Variants in CCDC102B observed in about 807,000 individuals in gnomAD.
CCDC102B encodes coiled-coil domain-containing protein 102B.
Under a neutral mutation model 57.4 loss-of-function variants are expected in CCDC102B, and 75 were observed. That is an observed-to-expected ratio of 1.31 (90% CI 1.08 to 1.58). CCDC102B has a LOEUF of 1.58. Ranked by LOEUF, CCDC102B falls within the 40% of genes most tolerant of loss-of-function variation. The pLI is 0.00. For missense variants in CCDC102B, 636 were observed against 582.6 expected (o/e 1.09, Z -0.94); for synonymous variants, 206 against 201.9 (o/e 1.02, Z -0.17).
intron 2 of CCDC102B, among the ~76,000 whole-genome samples, chr18:68,744,686 C>T (rs1599398488): frequency 6.6e-6 from 1 of 152,154 alleles, no homozygotes; most frequent in Admixed American, 6.5e-5. Flanking sequence ...AGACGCCTCT[C>T]AATGATTCCC....
At chr18:68,810,864 CAGTGTGTG>C (rs368890184) in intron 1 of CCDC102B, among the ~76,000 whole-genome samples, 43 of 151,930 alleles carry the variant, frequency 2.8e-4, no homozygotes, top group African/African-American at 1.0e-3. Context: ...CAACAGGCCC[CAGTGTGTG>C]AGTGTGTGAT....
intron 4 of CCDC102B, among the ~76,000 whole-genome samples, chr18:68,870,232 A>T (rs965862473): frequency 4.6e-5 from 7 of 152,158 alleles, no homozygotes; most frequent in Admixed American, 2.0e-4. Flanking sequence ...GAGCATTAGG[A>T]TGAATGCATG....
chr18:68,760,649 A>G (rs2034223986), intron 2 of CCDC102B, among the ~76,000 whole-genome samples: 1 of 152,090 alleles, frequency 6.6e-6, no homozygotes, highest in Non-Finnish European at 1.5e-5. Context: ...TCACTATAAA[A>G]GCAAATGCGT....
intron 7 of CCDC102B, among the ~76,000 whole-genome samples, chr18:69,033,299 C>T (rs1191369989): frequency 6.6e-6 from 1 of 151,988 alleles, no homozygotes; most frequent in Admixed American, 6.6e-5. Flanking sequence ...ATTAATACAC[C>T]ATACATTTTG....
intron 7 of CCDC102B, among the ~76,000 whole-genome samples, chr18:69,049,115 C>T (rs1390307858): frequency 1.3e-5 from 2 of 151,452 alleles, no homozygotes; most frequent in African/African-American, 4.9e-5. Context: ...TAGGTATACA[C>T]GTGCTATGGT....
At chr18:68,828,337 A>C (rs998404339) in intron 1 of CCDC102B, among the ~76,000 whole-genome samples, 2 of 150,540 alleles carry the variant, frequency 1.3e-5, no homozygotes, top group Admixed American at 6.6e-5. Context: ...AAAAAAAAAA[A>C]AAAAAAAAAA....
At chr18:68,803,717 G>C (rs1278537074) in intron 1 of CCDC102B, among the ~76,000 whole-genome samples, 1 of 145,966 alleles carries the variant, frequency 6.9e-6, no homozygotes, top group Non-Finnish European at 1.5e-5. Context: ...TGCATTTTTT[G>C]CCATTACTTT....
chr18:68,855,345 A>C (rs1312403831), intron 4 of CCDC102B, among the ~76,000 whole-genome samples: 1 of 152,166 alleles, frequency 6.6e-6, no homozygotes, highest in Non-Finnish European at 1.5e-5. Flanking sequence ...GTTTTGGATC[A>C]TTTGATTAAG....
At chr18:68,888,746 C>A (rs1027289099) in intron 5 of CCDC102B, among the ~76,000 whole-genome samples, 3 of 152,102 alleles carry the variant, frequency 2.0e-5, no homozygotes, top group Non-Finnish European at 4.4e-5. Context: ...AGAAACAATG[C>A]CATGTTGTTC....
At chr18:68,996,860 G>T (rs1046197563) in intron 6 of CCDC102B, among the ~76,000 whole-genome samples, 1 of 152,148 alleles carries the variant, frequency 6.6e-6, no homozygotes, top group East Asian at 1.9e-4. Flanking sequence ...TTTGGGAGGG[G>T]CCAGGGGAAG....
intron 4 of CCDC102B, among the ~76,000 whole-genome samples, chr18:68,873,563 A>G (rs1047190236): frequency 3.9e-5 from 6 of 152,132 alleles, no homozygotes; most frequent in South Asian, 2.1e-4. Flanking sequence ...TCTCTTAACA[A>G]CATGGTTCCC....
chr18:68,760,259 A>G (rs937201367), intron 2 of CCDC102B, among the ~76,000 whole-genome samples: 6 of 152,092 alleles, frequency 3.9e-5, no homozygotes, highest in Non-Finnish European at 7.4e-5. Context: ...AAAATAAAAT[A>G]CATAAGTAAG....
At chr18:68,918,512 G>C (rs2041157672) in intron 6 of CCDC102B, among the ~76,000 whole-genome samples, 1 of 152,132 alleles carries the variant, frequency 6.6e-6, no homozygotes, top group Non-Finnish European at 1.5e-5. Flanking sequence ...TGTAATTATG[G>C]TTAGTCTTTT....
At chr18:68,748,053 G>T (rs1430351647) in intron 2 of CCDC102B, among the ~76,000 whole-genome samples, 3 of 151,986 alleles carry the variant, frequency 2.0e-5, no homozygotes, top group Non-Finnish European at 4.4e-5. Flanking sequence ...TTTGGTAATA[G>T]CCTGACAAAT....
intron 4 of CCDC102B, among the ~76,000 whole-genome samples, chr18:68,848,494 A>C (rs1475117167): frequency 2.0e-5 from 3 of 152,040 alleles, no homozygotes; most frequent in African/African-American, 4.8e-5. Context: ...AATGCATTTG[A>C]AAGTCTGGTG....
chr18:68,745,237 A>G (rs1435299584), intron 2 of CCDC102B, among the ~76,000 whole-genome samples: 2 of 151,984 alleles, frequency 1.3e-5, no homozygotes, highest in Admixed American at 6.6e-5. Context: ...CACAGAGAAC[A>G]TACGGCCCTG....
Position 68,838,343 on chromosome 18 carries a change from TGTAA to T in CCDC102B, c.607-360_607-357del, listed in dbSNP as rs139642675. On this transcript the variant is annotated intron_variant, in intron 2 of 7. Transcript: ENST00000360242. The stretch of plus-strand genomic sequence containing the variant: ...TGTTAAAAAATGATTGCTTTGAAAC[TGTAA>T]GTGTCTTATGACAAAAGAAACTTGA... 5,620 of 861,940 alleles carry T rather than the reference TGTAA, an allele frequency of 6.5e-3. 182 individuals are homozygous for T. The African/African-American group carries it at 0.077, about 12-fold the overall frequency. The allele number at this position is 861,940 out of a possible 1,614,324, so 53.4% of individuals were successfully genotyped here.
chr18:68,967,311 C>T (rs966090996), intron 6 of CCDC102B, among the ~76,000 whole-genome samples: 14 of 152,080 alleles, frequency 9.2e-5, no homozygotes, highest in African/African-American at 3.4e-4. Context: ...AAATAAATTG[C>T]CTAGTTAATA....
intron 3 of CCDC102B, among the ~76,000 whole-genome samples, chr18:68,841,087 A>C (rs1164920948): frequency 2.0e-5 from 3 of 152,198 alleles, no homozygotes; most frequent in African/African-American, 7.2e-5. Context: ...TGAGGCAATC[A>C]GTCTTTTTTT....
Sources: gnomAD v4.1 joint callset for allele counts (sites outside exome capture counted in the v4.1 genomes callset) on GRCh38, gnomAD v4.1.1 for gene constraint, MANE v1.5 for transcripts, NCBI Gene and HGNC (gene_info 2026-07-23, HGNC 2026-07-21) for gene names.